Variants in SLC35F4 observed in about 807,000 individuals in gnomAD.
SLC35F4 encodes the protein solute carrier family 35 member F4.
A neutral mutation model predicts 44.2 loss-of-function variants in SLC35F4; 24 were observed. That is an observed-to-expected ratio of 0.54 (90% CI 0.39 to 0.76). The LOEUF (loss-of-function observed/expected upper bound fraction) is 0.76, where lower values mean the gene tolerates loss of function less well. Among genes scored for constraint, SLC35F4 ranks in the 30% least tolerant of loss-of-function variants. SLC35F4 has a pLI of 0.00. For missense variants in SLC35F4, 562 were observed against 586.1 expected (o/e 0.96, Z 0.42); for synonymous variants, 238 against 223.6 (o/e 1.06, Z -0.57).
At chr14:57,937,640 GAAAAGAAAAGAA>G (rs1566505804) in intron 1 of SLC35F4, among the ~76,000 whole-genome samples, 4 of 105,048 alleles carry the variant, frequency 3.8e-5, no homozygotes, top group South Asian at 2.9e-4. Context: ...GAAAAGAAAA[GAAAAGAAAAGAA>G]AAAAGAAAAG....
intron 1 of SLC35F4, among the ~76,000 whole-genome samples, chr14:57,686,503 C>G (rs8005717): frequency 6.6e-6 from 1 of 152,030 alleles, no homozygotes; most frequent in Non-Finnish European, 1.5e-5. Context: ...TCCTCTCCTG[C>G]ACTCCTCCTG....
At chr14:57,764,624 A>T (rs1473257373) in intron 1 of SLC35F4, among the ~76,000 whole-genome samples, 1 of 152,246 alleles carries the variant, frequency 6.6e-6, no homozygotes, top group Non-Finnish European at 1.5e-5. Flanking sequence ...TACATGGGTA[A>T]AAACAGAATA....
chr14:57,621,818 G>T lies in SLC35F4; in HGVS notation c.104-27694C>A, dbSNP rs555308195. ...CAACAAAAGACAAAATTGACAAATG[G>T]GATCTAATTAAACTAAAGAGTTCCT... On this transcript the variant is annotated intron_variant, in intron 1 of 7. Transcript: ENST00000556826. Among the ~76,000 whole-genome samples the T allele has an allele frequency of 3.4e-5, 5 of 148,226 alleles. No individual in the cohort carries two copies. In the East Asian group the frequency reaches 9.8e-4, roughly 29 times the overall value.
At chr14:57,573,450 G>C (rs1045581508) in intron 4 of SLC35F4, among the ~76,000 whole-genome samples, 1 of 152,114 alleles carries the variant, frequency 6.6e-6, no homozygotes, top group Admixed American at 6.5e-5. Context: ...TGAAGCTGCC[G>C]GGTGTGTGTT....
intron 1 of SLC35F4, among the ~76,000 whole-genome samples, chr14:57,700,357 CA>C (rs372495247): frequency 1.6e-5 from 1 of 63,292 alleles, no homozygotes; most frequent in Non-Finnish European, 3.2e-5. Flanking sequence ...AGGAAGTTTA[CA>C]AGGAAGTTTA....
At chr14:57,592,863 C>A (rs1414962947) in intron 2 of SLC35F4, among the ~76,000 whole-genome samples, 1 of 152,038 alleles carries the variant, frequency 6.6e-6, no homozygotes, top group Admixed American at 6.6e-5. Flanking sequence ...GTTGGTTTTA[C>A]TACCAACTTA....
chr14:57,778,260 T>C (rs1011283523), intron 1 of SLC35F4, among the ~76,000 whole-genome samples: 16 of 152,360 alleles, frequency 1.1e-4, no homozygotes, highest in Non-Finnish European at 2.4e-4. Flanking sequence ...CCTCTTTCTT[T>C]TGTAAATTGC....
intron 1 of SLC35F4, among the ~76,000 whole-genome samples, chr14:57,691,565 C>T (rs1268262892): frequency 1.3e-5 from 2 of 152,144 alleles, no homozygotes; most frequent in Non-Finnish European, 2.9e-5. Context: ...TAATTATAGT[C>T]ATTTATGTGA....
chr14:57,756,818 CTAAT>C (rs923920004), intron 1 of SLC35F4, among the ~76,000 whole-genome samples: 1 of 146,108 alleles, frequency 6.8e-6, no homozygotes, highest in African/African-American at 2.5e-5. Context: ...CCAAATCTGC[CTAAT>C]TTTTTTTTTT....
chr14:57,581,510 T>C, intron 3 of SLC35F4, 77 bp from the exon 4 acceptor site: 1 of 1,326,340 alleles, frequency 7.5e-7, no homozygotes. Flanking sequence ...TCGCAGCCAT[T>C]TTCAGGTAAG....
At chr14:57,646,754 C>T (rs1396332236) in intron 1 of SLC35F4, among the ~76,000 whole-genome samples, 1 of 152,144 alleles carries the variant, frequency 6.6e-6, no homozygotes, top group Non-Finnish European at 1.5e-5. Context: ...CTCTTGTGGG[C>T]ATTTAGTGCT....
chr14:57,881,800 A>G (rs1193763759), intron 1 of SLC35F4, among the ~76,000 whole-genome samples: 4 of 152,038 alleles, frequency 2.6e-5, no homozygotes, highest in Admixed American at 6.5e-5. Context: ...TTTAAAGTCT[A>G]TTTAACCCAA....
At chr14:57,663,960 T>C (rs2074223836) in intron 1 of SLC35F4, among the ~76,000 whole-genome samples, 1 of 151,736 alleles carries the variant, frequency 6.6e-6, no homozygotes, top group Admixed American at 6.6e-5. Context: ...ATTCAACATT[T>C]GGGAAATTTC....
At chr14:57,736,798 G>C (rs977443192) in intron 1 of SLC35F4, among the ~76,000 whole-genome samples, 2 of 152,154 alleles carry the variant, frequency 1.3e-5, no homozygotes, top group African/African-American at 2.4e-5. Context: ...TTTGGCTACT[G>C]CTAACCAGTG....
intron 1 of SLC35F4, among the ~76,000 whole-genome samples, chr14:57,888,798 T>C (rs752135074): frequency 5.3e-5 from 8 of 152,216 alleles, no homozygotes; most frequent in Non-Finnish European, 1.0e-4. Flanking sequence ...ATGTGCCAGT[T>C]GTGGCTCTAA....
intron 1 of SLC35F4, among the ~76,000 whole-genome samples, chr14:57,980,069 A>T (rs1028460): frequency 0.46 from 70,638 of 152,056 alleles, 17,788 homozygotes; most frequent in African/African-American, 0.69. Context: ...TACCTGGACA[A>T]AAGCTATTGT....
intron 1 of SLC35F4, chr14:57,630,471 T>A: frequency 1.2e-6 from 1 of 868,722 alleles, no homozygotes; most frequent in Non-Finnish European, 1.9e-6. Flanking sequence ...AAGAGAGAAA[T>A]GAAGGCTGAA....
chr14:57,824,458 T>C (rs943259644), intron 1 of SLC35F4, among the ~76,000 whole-genome samples: 3 of 152,148 alleles, frequency 2.0e-5, no homozygotes, highest in Non-Finnish European at 2.9e-5. Context: ...CATATATAGG[T>C]ACATACATAA....
chr14:57,798,121 CAAAAAAAAAAAAAAA>C (rs60685029), intron 1 of SLC35F4, among the ~76,000 whole-genome samples: 1 of 42,068 alleles, frequency 2.4e-5, no homozygotes, highest in Non-Finnish European at 4.9e-5. Flanking sequence ...GACCCACGAG[CAAAAAAAAAAAAAAA>C]AAAAAAAAAA....
Sources: allele counts gnomAD v4.1 joint callset (sites outside exome capture counted in the v4.1 genomes callset), GRCh38; gene constraint gnomAD v4.1.1; transcripts MANE v1.5; gene names NCBI Gene and HGNC (gene_info 2026-07-23, HGNC 2026-07-21).